KLHL29: variants seen among roughly 807,000 people sequenced by gnomAD.
The protein encoded by KLHL29 is kelch-like protein 29.
Under a neutral mutation model 80.4 loss-of-function variants are expected in KLHL29, and 21 were observed. That is an observed-to-expected ratio of 0.26 (90% CI 0.19 to 0.38). KLHL29 has a LOEUF of 0.38. KLHL29 is among the 10% of genes least tolerant of loss of function. The pLI is 1.00. For missense variants in KLHL29, 867 were observed against 1,223.9 expected (o/e 0.71, Z 4.35); for synonymous variants, 511 against 526.8 (o/e 0.97, Z 0.41).
At chr2:23,514,489 C>G (rs1455316360) in intron 2 of KLHL29, among the ~76,000 whole-genome samples, 1 of 152,222 alleles carries the variant, frequency 6.6e-6, no homozygotes, top group African/African-American at 2.4e-5. Flanking sequence ...ACGTTTCTTC[C>G]TCATTCTCCA....
intron 2 of KLHL29, among the ~76,000 whole-genome samples, chr2:23,533,860 T>A (rs1319811840): frequency 6.6e-6 from 1 of 152,130 alleles, no homozygotes; most frequent in East Asian, 1.9e-4. Context: ...TCAATAAGAC[T>A]GCTTTCAGAA....
At chr2:23,693,736 G>T (rs565264194) in intron 8 of KLHL29, among the ~76,000 whole-genome samples, 3 of 152,202 alleles carry the variant, frequency 2.0e-5, no homozygotes, top group Non-Finnish European at 4.4e-5. Context: ...GACCCAAGTC[G>T]GCCAAGAGCC....
At chr2:23,638,085 T>TA (rs553356362) in intron 3 of KLHL29, among the ~76,000 whole-genome samples, 29,951 of 111,538 alleles carry the variant, frequency 0.27, 4,140 homozygotes, top group African/African-American at 0.34. Flanking sequence ...ATGGCCATAG[T>TA]AAAAAAAAAA....
intron 5 of KLHL29, among the ~76,000 whole-genome samples, chr2:23,675,983 G>A (rs1023863400): frequency 4.6e-5 from 7 of 152,078 alleles, no homozygotes; most frequent in South Asian, 2.1e-4. Context: ...AAAACATGGC[G>A]CCAGGTGCTC....
chr2:23,590,795 T>C (rs1220147095), intron 3 of KLHL29, among the ~76,000 whole-genome samples: 2 of 152,024 alleles, frequency 1.3e-5, no homozygotes, highest in African/African-American at 4.8e-5. Flanking sequence ...GCAGATCAAG[T>C]GGTCGTTTAT....
chr2:23,573,075 A>AG (rs1317673994), intron 3 of KLHL29, among the ~76,000 whole-genome samples: 1 of 88 alleles, frequency 0.011, no homozygotes, highest in Admixed American at 0.062. Context: ...ACGGGTTCGT[A>AG]GTTGGGCCTG....
chr2:23,498,102 A>G (rs1315818605), intron 2 of KLHL29, among the ~76,000 whole-genome samples: 1 of 152,218 alleles, frequency 6.6e-6, no homozygotes, highest in East Asian at 1.9e-4. Flanking sequence ...TGAAAAAAGC[A>G]CCAAAATCTA....
At chr2:23,507,663 G>A (rs1335661482) in intron 2 of KLHL29, among the ~76,000 whole-genome samples, 1 of 152,202 alleles carries the variant, frequency 6.6e-6, no homozygotes, top group African/African-American at 2.4e-5. Context: ...CCCAGGATGT[G>A]CATCTCTGGG....
At chr2:23,593,375 T>C (rs1233710165) in intron 3 of KLHL29, among the ~76,000 whole-genome samples, 16 of 151,922 alleles carry the variant, frequency 1.1e-4, no homozygotes, top group Non-Finnish European at 1.5e-5. Flanking sequence ...AGAGTGGGGG[T>C]GGTCATACAA....
chr2:23,582,870 G>T (rs969773745), intron 3 of KLHL29, among the ~76,000 whole-genome samples: 1 of 152,126 alleles, frequency 6.6e-6, no homozygotes, highest in Non-Finnish European at 1.5e-5. Context: ...ATATCTAAAC[G>T]TGACCTTGTT....
chr2:23,423,692 G>A (rs1266486347), intron 1 of KLHL29, among the ~76,000 whole-genome samples: 1 of 152,102 alleles, frequency 6.6e-6, no homozygotes, highest in Non-Finnish European at 1.5e-5. Flanking sequence ...TTCTCCATGG[G>A]CTCAGGGGGT....
chr2:23,495,175 A>G (rs1483755174), intron 2 of KLHL29, among the ~76,000 whole-genome samples: 1 of 152,140 alleles, frequency 6.6e-6, no homozygotes, highest in Non-Finnish European at 1.5e-5. Context: ...GGCGTGCATC[A>G]CTGTACCTGG....
intron 2 of KLHL29, among the ~76,000 whole-genome samples, chr2:23,506,872 A>T (rs1445230306): frequency 6.7e-6 from 1 of 149,944 alleles, no homozygotes; most frequent in Non-Finnish European, 1.5e-5. Flanking sequence ...TGAATGCCAA[A>T]ACCCCTGACA....
At chr2:23,545,085 T>C (rs1666947317) in intron 2 of KLHL29, among the ~76,000 whole-genome samples, 1 of 152,064 alleles carries the variant, frequency 6.6e-6, no homozygotes, top group African/African-American at 2.4e-5. Context: ...AGCTGAGAGA[T>C]GACAGAGGCC....
intron 1 of KLHL29, among the ~76,000 whole-genome samples, chr2:23,434,403 G>T (rs998401847): frequency 2.1e-3 from 65 of 30,292 alleles, no homozygotes; most frequent in Non-Finnish European, 3.5e-3. Flanking sequence ...ACAAAGTGCA[G>T]AGCCTTGGTT....
intron 2 of KLHL29, among the ~76,000 whole-genome samples, chr2:23,521,715 A>G (rs1666109393): frequency 6.6e-6 from 1 of 152,222 alleles, no homozygotes; most frequent in Non-Finnish European, 1.5e-5. Flanking sequence ...ACAGAGGCTC[A>G]GTTTCAGCAC....
At chr2:23,431,511 G>A (rs1004610080) in intron 1 of KLHL29, among the ~76,000 whole-genome samples, 17 of 152,324 alleles carry the variant, frequency 1.1e-4, no homozygotes, top group African/African-American at 3.6e-4. Flanking sequence ...CTGCTCCTCC[G>A]CCGGCAGCCG....
At position 23,400,520 on chromosome 2, in the gene KLHL29, A is replaced by T. The variant is rs944917124; in HGVS notation, c.-154+14740A>T. 2.0e-5 allele frequency among the ~76,000 whole-genome samples: 3 copies of T among 152,240 alleles called. No individual in the cohort carries two copies. The South Asian group carries it at 6.2e-4, about 32-fold the overall frequency. On this transcript the variant is annotated intron_variant, in intron 1 of 13. Coordinates refer to ENST00000486442, the MANE Select transcript of KLHL29 (RefSeq NM_052920.2). ...GCTGGGCAGTATCTTATCTCATGACATGGTGAGGCCTAATGCAGAGCCATG... is the reference window on the plus strand; with the variant it reads ...GCTGGGCAGTATCTTATCTCATGACTTGGTGAGGCCTAATGCAGAGCCATG...
chr2:23,517,362 G>A (rs1665968358), intron 2 of KLHL29, among the ~76,000 whole-genome samples: 1 of 152,184 alleles, frequency 6.6e-6, no homozygotes, highest in Non-Finnish European at 1.5e-5. Context: ...GGCCAACATG[G>A]TGAAACGCCG....
Sources: allele counts gnomAD v4.1 joint callset (sites outside exome capture counted in the v4.1 genomes callset), GRCh38; gene constraint gnomAD v4.1.1; transcripts MANE v1.5; gene names NCBI Gene and HGNC (gene_info 2026-07-23, HGNC 2026-07-21).